Variants in GNB1L observed in about 807,000 individuals in gnomAD.
GNB1L encodes guanine nucleotide-binding protein subunit beta-like protein 1.
Under a neutral mutation model 29.1 loss-of-function variants are expected in GNB1L, and 20 were observed. The ratio of observed to expected loss-of-function variants is 0.69; its 90% CI spans 0.48 to 1.00. The LOEUF (loss-of-function observed/expected upper bound fraction) is 1.00, where lower values mean the gene tolerates loss of function less well. Ranked by LOEUF, GNB1L falls within the 50% of genes least tolerant of loss-of-function variation. The pLI is 0.00. For synonymous variants in GNB1L, 193 were observed against 206.5 expected, an observed-to-expected ratio of 0.93 and a Z score of 0.56; for missense variants, 421 against 464.9, an observed-to-expected ratio of 0.91 and a Z score of 0.87.
chr22:19,808,407 A>G (rs1937461263), intron 5 of GNB1L, among the ~76,000 whole-genome samples: 1 of 152,198 alleles, frequency 6.6e-6, no homozygotes, highest in African/African-American at 2.4e-5. Flanking sequence ...AGGTGATTAC[A>G]GTCAGGAACC....
intron 2 of GNB1L, among the ~76,000 whole-genome samples, chr22:19,824,386 C>G (rs1937603080): frequency 6.6e-6 from 1 of 152,200 alleles, no homozygotes. Context: ...TGCGGTGGCC[C>G]CGGCCCAGCC....
chr22:19,812,360 G>A lies in GNB1L; in HGVS notation c.342C>T (p.Gly114=). The A allele has an allele frequency of 1.9e-6, 3 of 1,613,312 alleles. No individual in the cohort carries two copies. Among genetic ancestry groups the A allele is most frequent in the Middle Eastern group, 1.6e-4 (1 of 6,062 alleles). ...CGGCCAGGATGCTGCTCCGGCAGAA[G>A]CCCACACTCTCCAAGCACACGGAGT... is the stretch of plus-strand genomic sequence containing the variant. ...VVDSVCLESV[G]FCRSSILAGG... Residue 114 remains glycine (G), a synonymous_variant, in exon 5 of 8, where the codon GGC becomes GGT. Transcript: ENST00000329517.
At chr22:19,836,604 T>C (rs1014489307) in intron 2 of GNB1L, among the ~76,000 whole-genome samples, 1 of 152,148 alleles carries the variant, frequency 6.6e-6, no homozygotes, top group African/African-American at 2.4e-5. Flanking sequence ...CAAACAAACA[T>C]ATTTCATGAA....
chr22:19,824,345 T>A (rs1937602667), intron 2 of GNB1L, among the ~76,000 whole-genome samples: 1 of 152,038 alleles, frequency 6.6e-6, no homozygotes, highest in Non-Finnish European at 1.5e-5. Context: ...AGGCCGCCCT[T>A]GCGCAAGGCC....
At chr22:19,844,769 G>C (rs1484277161) in intron 2 of GNB1L, among the ~76,000 whole-genome samples, 1 of 152,204 alleles carries the variant, frequency 6.6e-6, no homozygotes, top group Non-Finnish European at 1.5e-5. Flanking sequence ...AGGCACTTAC[G>C]GGCAGAGGCA....
chr22:19,828,486 C>T (rs1270125178), intron 2 of GNB1L, among the ~76,000 whole-genome samples: 1 of 152,030 alleles, frequency 6.6e-6, no homozygotes, highest in East Asian at 1.9e-4. Flanking sequence ...CAGATTCCAT[C>T]TCTCAAAACA....
At chr22:19,812,607 C>T (rs374965400) in intron 4 of GNB1L, among the ~76,000 whole-genome samples, 160 bp from the exon 5 acceptor site, 15 of 152,340 alleles carry the variant, frequency 9.8e-5, no homozygotes, top group African/African-American at 3.4e-4. Flanking sequence ...AGGGCCTCAC[C>T]GCTCTGGCAT....
chr22:19,831,883 AC>A (rs1394317983), intron 2 of GNB1L, among the ~76,000 whole-genome samples: 1 of 152,192 alleles, frequency 6.6e-6, no homozygotes, highest in Non-Finnish European at 1.5e-5. Context: ...TGCCCATTAA[AC>A]ACATGAAAAG....
intron 2 of GNB1L, among the ~76,000 whole-genome samples, chr22:19,828,261 G>A (rs894839512): frequency 2.6e-5 from 4 of 152,196 alleles, no homozygotes; most frequent in African/African-American, 7.2e-5. Flanking sequence ...GAAAGTAGGG[G>A]TTGAAATACT....
intron 2 of GNB1L, chr22:19,852,451 A>C (rs1019606309): frequency 8.1e-6 from 5 of 619,224 alleles, no homozygotes; most frequent in Non-Finnish European, 1.4e-5. Context: ...AGAAGAGCTG[A>C]GAGACTGTCA....
At chr22:19,850,236 C>T in intron 2 of GNB1L, 1 of 985,684 alleles carries the variant, frequency 1.0e-6, no homozygotes, top group Non-Finnish European at 1.2e-6. Context: ...ACCACCTCAG[C>T]CAGTAATCCA....
intron 2 of GNB1L, chr22:19,852,083 G>C (rs143706825): frequency 3.1e-6 from 5 of 1,614,220 alleles, no homozygotes; most frequent in South Asian, 2.2e-5. Context: ...CTCCATGGTC[G>C]TTCGCACACA....
chr22:19,829,128 G>A (rs780533828), intron 2 of GNB1L, among the ~76,000 whole-genome samples: 4 of 152,146 alleles, frequency 2.6e-5, no homozygotes, highest in Non-Finnish European at 4.4e-5. Context: ...CACCGTGCCC[G>A]GCCATAACAT....
At chr22:19,822,599 G>T (rs895053635) in intron 2 of GNB1L, among the ~76,000 whole-genome samples, 5 of 152,226 alleles carry the variant, frequency 3.3e-5, no homozygotes, top group African/African-American at 1.2e-4. Context: ...GTCACAGGGG[G>T]CCTTTCCCAC....
At chr22:19,829,496 A>T (rs1019256205) in intron 2 of GNB1L, among the ~76,000 whole-genome samples, 1 of 152,218 alleles carries the variant, frequency 6.6e-6, no homozygotes, top group South Asian at 2.1e-4. Flanking sequence ...AAATTTTTTT[A>T]AAATGAAAAA....
At chr22:19,826,501 T>C (rs1283462560) in intron 2 of GNB1L, among the ~76,000 whole-genome samples, 1 of 152,140 alleles carries the variant, frequency 6.6e-6, no homozygotes, top group African/African-American at 2.4e-5. Flanking sequence ...CTCGGGTATA[T>C]AAGGCAAGGG....
At chr22:19,852,135 C>G (rs747125641) in intron 2 of GNB1L, 1 of 1,614,188 alleles carries the variant, frequency 6.2e-7, no homozygotes, top group South Asian at 1.1e-5. Context: ...CAGGGATCCA[C>G]AAGGGGGGTG....
intron 4 of GNB1L, among the ~76,000 whole-genome samples, chr22:19,815,261 G>A (rs561035481): frequency 1.3e-5 from 2 of 152,282 alleles, no homozygotes; most frequent in East Asian, 1.9e-4. Flanking sequence ...TGGTGCCCAC[G>A]CCACAGAGAA....
chr22:19,805,293 C>T (rs940632753), intron 6 of GNB1L, among the ~76,000 whole-genome samples: 1 of 152,188 alleles, frequency 6.6e-6, no homozygotes, highest in African/African-American at 2.4e-5. Context: ...TTTCTGGTCA[C>T]GTGGAGAGAG....
Sources: allele counts gnomAD v4.1 joint callset (sites outside exome capture counted in the v4.1 genomes callset), GRCh38; gene constraint gnomAD v4.1.1; transcripts MANE v1.5; gene names NCBI Gene and HGNC (gene_info 2026-07-23, HGNC 2026-07-21).